The following FAT1 variants were observed in gnomAD, a reference collection of about 807,000 sequenced individuals.
FAT1 encodes FAT atypical cadherin 1.
In FAT1, 171 loss-of-function variants were observed where a neutral mutation model predicts 329.8. The observed-to-expected ratio is 0.52, with a 90% CI of 0.46 to 0.59. The LOEUF is 0.59. Among genes scored for constraint, FAT1 ranks in the 20% least tolerant of loss-of-function variants. FAT1 has a pLI of 0.00. For missense variants in FAT1, 5,672 were observed against 5,774.4 expected, an observed-to-expected ratio of 0.98 and a Z score of 0.57; for synonymous variants, 2,233 against 2,228.6, an observed-to-expected ratio of 1.00 and a Z score of -0.06.
rs1441219830 is a variant in FAT1 at position 186,613,212 on chromosome 4, A to T, written c.9360T>A (p.Asp3120Glu). The T allele has an allele frequency of 1.2e-6, 2 of 1,613,860 alleles. No individual in the cohort carries two copies. Among genetic ancestry groups the T allele is most frequent in the Non-Finnish European group, 1.7e-6 (2 of 1,179,802 alleles). ...SIVLTLEDVN[D>E]NAPEFSADPY... ...GATCGGCAGAGAATTCGGGGGCGTT[A>T]TCGTTCACATCTTCTAGCGTGAGCA... The change falls in exon 13 of 27, where the codon GAT (aspartate) becomes GAA (glutamate). Residue 3120 changes from aspartate to glutamate, a missense_variant. By Grantham distance (45) the Asp-to-Glu change is conservative. This residue lies in a region of FAT1 where 3,966 missense variants were observed against 3,915.2 expected (regional missense o/e 1.01). Transcript: ENST00000441802.
At position 186,621,529 on chromosome 4, in the gene FAT1, A is replaced by G. The variant is rs1326997450; in HGVS notation, c.5057T>C (p.Val1686Ala). Residue 1686 changes from valine to alanine, a missense_variant, in exon 10 of 27, where the codon GTT (valine) becomes GCT (alanine). Val to Ala is a moderately conservative substitution (Grantham distance 64). This residue lies in a region of FAT1 where 3,966 missense variants were observed against 3,915.2 expected (regional missense o/e 1.01). Transcript: ENST00000441802. ...TTGACTATGGGCTGTAACCATCCCA[A>G]CGAAACTCCCAATGCTGACAGTTTC... ...LSETVSIGSF[V>A]GMVTAHSQSS... The G allele has an allele frequency of 3.1e-6, 5 of 1,614,014 alleles. No homozygotes were observed. Among genetic ancestry groups the G allele is most frequent in the Non-Finnish European group, 4.2e-6 (5 of 1,179,878 alleles).
chr4:186,678,237 G>A (rs922900826), intron 2 of FAT1, among the ~76,000 whole-genome samples: 8 of 152,010 alleles, frequency 5.3e-5, no homozygotes, highest in African/African-American at 1.4e-4. Context: ...ACACACAAGT[G>A]TTCATTATAA....
In FAT1 at chr4:186,709,279, T is replaced by C. The variant is rs1744823923; in HGVS notation, c.549A>G (p.Glu183=). The C allele has an allele frequency of 1.2e-6, 2 of 1,613,874 alleles. No homozygotes were observed. The highest frequency in any genetic ancestry group is 2.7e-5 in the African/African-American group (2 of 74,924). The change falls in exon 2 of 27, where the codon GAA becomes GAG. Residue 183 remains glutamate (E), a synonymous_variant. Coordinates refer to ENST00000441802, the MANE Select transcript of FAT1 (RefSeq NM_005245.4). ...TTCGATCTTTAAAACTGTAGTAAAA[T>C]TCCCCGTTGGTTCCTATGTCTGCAT... ...ATDADIGTNG[E]FYYSFKDRTD...
chr4:186,596,426 A>G lies in FAT1; in HGVS notation c.13000+114T>C. ...AGTTTCAAATCATCATACGGATTTC[A>G]GTCTGAGCATACTTGTCTCTAATGA... On this transcript the variant is annotated intron_variant, in intron 25 of 26. Coordinates refer to ENST00000441802, the MANE Select transcript of FAT1 (RefSeq NM_005245.4). This position sits in a 1 kb window ranked among gnomAD's most constrained non-coding sequence, Gnocchi z 4.7. The G allele has an allele frequency of 1.7e-6, 2 of 1,185,250 alleles. No individual in the cohort carries two copies. Among genetic ancestry groups the G allele is most frequent in the South Asian group, 1.6e-5 (1 of 61,598 alleles). 73.4% of individuals were successfully genotyped at this position (1,185,250 alleles called of 1,614,324 possible). A position where few individuals can be genotyped will look rare whatever the true frequency, so the allele number is the denominator to read the frequency against.
At chr4:186,694,946 A>G (rs1743956843) in intron 2 of FAT1, among the ~76,000 whole-genome samples, 1 of 152,240 alleles carries the variant, frequency 6.6e-6, no homozygotes, top group Non-Finnish European at 1.5e-5. Flanking sequence ...TGGGCAACAG[A>G]GCGAGACTCC....
intron 2 of FAT1, 48 bp from the exon 3 acceptor site, chr4:186,663,661 C>G (rs1411141280): frequency 2.1e-6 from 3 of 1,453,762 alleles, no homozygotes; most frequent in Non-Finnish European, 2.8e-6. Context: ...ACGACCAAAA[C>G]TGCCAGCTTC....
chr4:186,722,540 G>C (rs1275810594), intron 1 of FAT1, among the ~76,000 whole-genome samples: 5 of 152,106 alleles, frequency 3.3e-5, no homozygotes, highest in Admixed American at 3.3e-4. Flanking sequence ...AAGACAAAAA[G>C]ACAAAGACAA....
At position 186,588,072 on chromosome 4, in the gene FAT1, G is replaced by A. The variant is rs1738039070; in HGVS notation, c.*520C>T. On this transcript the variant is annotated 3_prime_UTR_variant, in exon 27 of 27. Coordinates refer to ENST00000441802, the MANE Select transcript of FAT1 (RefSeq NM_005245.4). ...TAGAAATGAATGACTACACTGAAAT[G>A]TACTAACAAAATGTCACACTTCAGT... 1 of 219,312 alleles carries A rather than the reference G, an allele frequency of 4.6e-6. No individual in the cohort carries two copies. Among genetic ancestry groups the A allele is most frequent in the Non-Finnish European group, 9.1e-6 (1 of 109,332 alleles). 13.6% of individuals were successfully genotyped at this position (219,312 alleles called of 1,614,324 possible).
rs1415943513 is a variant in FAT1, at chr4:186,588,885, T to A, written c.13474A>T (p.Asn4492Tyr). The change falls in exon 27 of 27, where the codon AAT becomes TAT. Residue 4492 changes from asparagine (N) to tyrosine (Y), a missense_variant. Asn to Tyr is a moderately radical substitution (Grantham distance 143, BLOSUM62 -2). Around this residue, in one of 2 missense-constraint regions of FAT1, gnomAD observed 1,706 missense variants for 1,859.1 expected, o/e 0.92. Transcript: ENST00000441802. ...TCAGACATATCGAGGGGATAAAAAT[T>A]GGGCAAATACTGATTCAAGTTGAAC... is the stretch of plus-strand genomic sequence containing the variant. ...QRFNLNQYLP[N>Y]FYPLDMSEPQ... The A allele has an allele frequency of 6.2e-7, 1 of 1,613,828 alleles. No individual in the cohort carries two copies. The highest frequency in any genetic ancestry group is 1.1e-5 in the South Asian group (1 of 91,076).
chr4:186,720,340 ATTAT>A (rs1427190314), intron 1 of FAT1, among the ~76,000 whole-genome samples: 1 of 152,014 alleles, frequency 6.6e-6, no homozygotes, highest in African/African-American at 2.4e-5. Context: ...TTTTAATAAG[ATTAT>A]TTAAGTCATA....
At chr4:186,592,683 A>G (rs1286413994) in intron 26 of FAT1, 1 of 456,686 alleles carries the variant, frequency 2.2e-6, no homozygotes, top group South Asian at 1.5e-5. Flanking sequence ...ACGAGCACTT[A>G]CAACTGTACC....
intron 2 of FAT1, among the ~76,000 whole-genome samples, chr4:186,671,317 T>A (rs1742715313): frequency 6.6e-6 from 1 of 151,852 alleles, no homozygotes; most frequent in South Asian, 2.1e-4. Context: ...AATAAAAAAA[T>A]ATTACTTGTT....
chr4:186,683,462 G>A (rs1454598558), intron 2 of FAT1, among the ~76,000 whole-genome samples: 3 of 152,118 alleles, frequency 2.0e-5, no homozygotes, highest in African/African-American at 7.2e-5. Flanking sequence ...GTCAATAAAC[G>A]TCAACTACCA....
chr4:186,705,531 G>A (rs1744542558), intron 2 of FAT1, among the ~76,000 whole-genome samples: 1 of 152,160 alleles, frequency 6.6e-6, no homozygotes. Context: ...CAGAGGGCAG[G>A]ACATGAAAAG....
rs2126487045 is a variant in FAT1, at chr4:186,617,692, T to C, written c.8878+16A>G. 1 of 1,527,250 alleles carries C rather than the reference T, an allele frequency of 6.5e-7. No individual in the cohort carries two copies. The highest frequency in any genetic ancestry group is 1.4e-5 in the African/African-American group (1 of 72,228). 94.6% of individuals were successfully genotyped at this position (1,527,250 alleles called of 1,614,324 possible). ...ATTTTAAATTAATTAAACCGTTTGGTATGAATTTTTTTTACCTGTTATGAA... is the reference window on the plus strand; with the variant it reads ...ATTTTAAATTAATTAAACCGTTTGGCATGAATTTTTTTTACCTGTTATGAA... On this transcript the variant is annotated intron_variant, in intron 10 of 26. Coordinates refer to ENST00000441802, the MANE Select transcript of FAT1 (RefSeq NM_005245.4).
At position 186,603,457 on chromosome 4, in the gene FAT1, G is replaced by C. The variant is rs1738920305; in HGVS notation, c.11069C>G (p.Pro3690Arg). The C allele has an allele frequency of 6.2e-7, 1 of 1,613,974 alleles. No homozygotes were observed. Among genetic ancestry groups the C allele is most frequent in the Non-Finnish European group, 8.5e-7 (1 of 1,179,894 alleles). The change falls in exon 19 of 27, where the codon CCA becomes CGA. Residue 3690 changes from proline (P) to arginine (R), a missense_variant. By Grantham distance (103) the Pro-to-Arg change is moderately radical. This residue lies in a region of FAT1 where 1,706 missense variants were observed against 1,859.1 expected (regional missense o/e 0.92). Coordinates refer to ENST00000441802, the MANE Select transcript of FAT1 (RefSeq NM_005245.4). ...IVSLQSSEPHPHLDVLLFVEK... is the reference protein window; with the variant it reads ...IVSLQSSEPHRHLDVLLFVEK... The stretch of plus-strand genomic sequence containing the variant: ...TACAAAAAGTAAGACGTCCAGATGT[G>C]GGTGAGGTTCAGAGGACTGCAAACT...
intron 3 of FAT1, among the ~76,000 whole-genome samples, chr4:186,650,264 T>C (rs1741574317): frequency 2.0e-5 from 3 of 151,982 alleles, no homozygotes; most frequent in East Asian, 1.9e-4. Context: ...GTTATGAATA[T>C]ACAAAATATG....
intron 2 of FAT1, among the ~76,000 whole-genome samples, chr4:186,698,391 T>C (rs1041550367): frequency 8.5e-5 from 13 of 152,174 alleles, no homozygotes; most frequent in African/African-American, 2.9e-4. Flanking sequence ...GTGCCTGTTA[T>C]ATACACCAAG....
In FAT1 at chr4:186,596,732, G is replaced by A. The variant is rs373689624; in HGVS notation, c.12808C>T (p.Arg4270Ter). The A allele has an allele frequency of 1.9e-6, 3 of 1,613,838 alleles. No homozygotes were observed. The highest frequency in any genetic ancestry group is 1.3e-5 in the African/African-American group (1 of 74,904). ...IPSDSRNNLDRNSFEGSAIPE... is the reference protein window; with the variant it reads ...IPSDSRNNLD ...ATAGCAGATCCTTCGAAGGAATTTCGGTCCAGATTGTTTCTTGAGTCACTT... is the reference window on the plus strand; with the variant it reads ...ATAGCAGATCCTTCGAAGGAATTTCAGTCCAGATTGTTTCTTGAGTCACTT... The change falls in exon 25 of 27, where the codon CGA (arginine) becomes TGA (stop). Residue 4270 changes from arginine (R) to a stop codon, truncating the protein, a stop_gained. Transcript: ENST00000441802. LOFTEE classifies it high-confidence loss of function. The surrounding 1 kb of genome is among the most constrained non-coding windows in gnomAD (Gnocchi z 4.7).
Sources: allele counts gnomAD v4.1 joint callset (sites outside exome capture counted in the v4.1 genomes callset), GRCh38; gene constraint gnomAD v4.1.1; regional missense constraint gnomAD v4.1.1; non-coding constraint Gnocchi (gnomAD v3.1); transcripts MANE v1.5; gene names NCBI Gene and HGNC (gene_info 2026-07-23, HGNC 2026-07-21).